The following HTR3B variants were observed in gnomAD, a reference collection of about 807,000 sequenced individuals.
The protein encoded by HTR3B is 5-hydroxytryptamine receptor 3B, also known as 5-hydroxytryptamine (serotonin) receptor 3B, ionotropic.
A neutral mutation model predicts 42.8 loss-of-function variants in HTR3B; 44 were observed. The observed-to-expected ratio is 1.03, with a 90% CI of 0.81 to 1.32. HTR3B has a LOEUF of 1.32. Among genes scored for constraint, HTR3B ranks in the 40% most tolerant of loss-of-function variants. The pLI, the probability that HTR3B is intolerant of heterozygous loss-of-function variation, is 0.00. For synonymous variants in HTR3B, 203 were observed against 209.0 expected (o/e 0.97, Z 0.25); for missense variants, 527 against 536.5 (o/e 0.98, Z 0.17).
chr11:113,913,228 G>A (rs1949814344), intron 2 of HTR3B, among the ~76,000 whole-genome samples: 1 of 151,114 alleles, frequency 6.6e-6, no homozygotes, highest in African/African-American at 2.4e-5. Flanking sequence ...AAGTCTCAAA[G>A]GCTGGAGTGC....
At chr11:113,945,174 GC>G (rs1950167059) in intron 8 of HTR3B, among the ~76,000 whole-genome samples, 2 of 152,078 alleles carry the variant, frequency 1.3e-5, no homozygotes, top group Admixed American at 1.3e-4. Flanking sequence ...TCGCTCTGTC[GC>G]CCAGGCTTGA....
chr11:113,928,619 C>A (rs777937767), intron 2 of HTR3B, among the ~76,000 whole-genome samples: 30 of 152,140 alleles, frequency 2.0e-4, no homozygotes, highest in Non-Finnish European at 2.8e-4. Context: ...CTCACTGCAA[C>A]CTCCACCCCT....
chr11:113,906,538 A>C (rs1262787686), intron 1 of HTR3B, among the ~76,000 whole-genome samples: 1 of 152,238 alleles, frequency 6.6e-6, no homozygotes, highest in African/African-American at 2.4e-5. Context: ...ACACATGCAG[A>C]AAATACCACT....
chr11:113,917,465 T>C lies in HTR3B; in HGVS notation c.213+8010T>C, dbSNP rs1172932466. On this transcript the variant is annotated intron_variant, in intron 2 of 8. Coordinates refer to ENST00000260191, the MANE Select transcript of HTR3B (RefSeq NM_006028.5). ...TCTATTTTTTTTCTTCCAGTTGTTT[T>C]ATTAACTTGATGGAGTGGAATGTTA... Among the ~76,000 whole-genome samples, 3 of 152,180 alleles carry C rather than the reference T, an allele frequency of 2.0e-5. No individual in the cohort carries two copies. The East Asian group carries it at 5.8e-4, about 29-fold the overall frequency.
At chr11:113,918,468 G>C (rs1020620563) in intron 2 of HTR3B, among the ~76,000 whole-genome samples, 2 of 151,740 alleles carry the variant, frequency 1.3e-5, no homozygotes, top group Non-Finnish European at 2.9e-5. Context: ...TCCATCTTTA[G>C]GCTATTTCAA....
At chr11:113,925,421 T>G (rs950663623) in intron 2 of HTR3B, among the ~76,000 whole-genome samples, 4 of 120,984 alleles carry the variant, frequency 3.3e-5, no homozygotes, top group East Asian at 3.9e-4. Context: ...GAATTTGTTT[T>G]TTTTTTTTTT....
intron 6 of HTR3B, among the ~76,000 whole-genome samples, chr11:113,935,489 A>G (rs1036839975): frequency 2.3e-5 from 3 of 128,670 alleles, no homozygotes; most frequent in Admixed American, 1.6e-4. Context: ...GGCCAGACTC[A>G]GGAGCAATTC....
chr11:113,932,816 A>G (rs1374106259), intron 5 of HTR3B, 120 bp from the exon 6 acceptor site: 19 of 971,452 alleles, frequency 2.0e-5, no homozygotes, highest in Non-Finnish European at 3.0e-5. Flanking sequence ...AATAAGGCCA[A>G]GGAGACTGTG....
chr11:113,906,872 T>G (rs556283721), intron 1 of HTR3B, among the ~76,000 whole-genome samples: 1 of 152,318 alleles, frequency 6.6e-6, no homozygotes, highest in South Asian at 2.1e-4. Context: ...ATGTGAGGAC[T>G]TAGCCTGGTG....
At chr11:113,918,424 T>C (rs1224937894) in intron 2 of HTR3B, among the ~76,000 whole-genome samples, 1 of 152,108 alleles carries the variant, frequency 6.6e-6, no homozygotes, top group Non-Finnish European at 1.5e-5. Flanking sequence ...TTCTCTCTGC[T>C]GACTCCTAAC....
chr11:113,923,324 C>T (rs2137508049), intron 2 of HTR3B, among the ~76,000 whole-genome samples: 1 of 152,300 alleles, frequency 6.6e-6, no homozygotes, highest in South Asian at 2.1e-4. Flanking sequence ...TAATGTTTTG[C>T]CTCCTGTTTT....
chr11:113,932,939 A>G lies in HTR3B; in HGVS notation c.542A>G (p.Glu181Gly). 1 of 1,613,506 alleles carries G rather than the reference A, an allele frequency of 6.2e-7. No homozygotes were observed. Among genetic ancestry groups the G allele is most frequent in the Non-Finnish European group, 8.5e-7 (1 of 1,179,812 alleles). Reference protein sequence around the residue: ...LTFKSILHTVEDVDLAFLRSP... With the variant: ...LTFKSILHTVGDVDLAFLRSP... ...CAATTGTTTGTGTTGTTTGCAGTGG[A>G]AGACGTAGACCTGGCCTTTCTGAGG... Residue 181 changes from glutamate (E) to glycine (G), a missense_variant, in exon 6 of 9, where the codon GAA (glutamate) becomes GGA (glycine). Coordinates refer to ENST00000260191, the MANE Select transcript of HTR3B (RefSeq NM_006028.5).
intron 2 of HTR3B, among the ~76,000 whole-genome samples, chr11:113,918,662 A>ATT (rs35902629): frequency 5.9e-4 from 77 of 130,034 alleles, no homozygotes; most frequent in Non-Finnish European, 9.5e-4. Context: ...CAATCTATGC[A>ATT]TTTTTTTTTT....
At chr11:113,927,487 T>G (rs755114177) in intron 2 of HTR3B, among the ~76,000 whole-genome samples, 2 of 152,154 alleles carry the variant, frequency 1.3e-5, no homozygotes, top group Non-Finnish European at 2.9e-5. Flanking sequence ...TCGCTGCTAA[T>G]TTTTACTTTT....
chr11:113,912,465 G>T (rs985737437), intron 2 of HTR3B, among the ~76,000 whole-genome samples: 3 of 152,040 alleles, frequency 2.0e-5, no homozygotes, highest in Admixed American at 6.6e-5. Flanking sequence ...GGATGGTCTC[G>T]ATCTCCTGAC....
At position 113,931,842 on chromosome 11, in the gene HTR3B, G is replaced by A. The variant is rs1044730475; in HGVS notation, c.343G>A (p.Ala115Thr). The A allele has an allele frequency of 1.3e-6, 2 of 1,597,750 alleles. No homozygotes were observed. Among genetic ancestry groups the A allele is most frequent in the Non-Finnish European group, 8.6e-7 (1 of 1,165,222 alleles). Residue 115 changes from alanine (A) to threonine (T), a missense_variant, in exon 4 of 9, where the codon GCC becomes ACC. Physicochemically the swap from Ala to Thr is moderately conservative, Grantham distance 58. Transcript: ENST00000260191. ...EISLPLSAIW[A>T]PDIIINEFVD... The stretch of plus-strand genomic sequence containing the variant: ...CTCCCTACCTCTAAGTGCCATCTGG[G>A]CCCCCGATATCATCATCAATGAGTT...
chr11:113,944,832 G>A, intron 8 of HTR3B, 77 bp downstream of exon 8: 1 of 1,413,916 alleles, frequency 7.1e-7, no homozygotes, highest in Non-Finnish European at 9.8e-7. Context: ...TGATGTACTA[G>A]GTATTGCGTT....
intron 2 of HTR3B, among the ~76,000 whole-genome samples, chr11:113,913,742 T>C (rs1008037378): frequency 2.0e-5 from 3 of 152,150 alleles, no homozygotes; most frequent in Admixed American, 6.6e-5. Flanking sequence ...CTCAAACTCC[T>C]GACCTCAGGT....
intron 2 of HTR3B, among the ~76,000 whole-genome samples, chr11:113,926,727 C>T (rs944936647): frequency 1.3e-5 from 2 of 152,046 alleles, no homozygotes; most frequent in African/African-American, 2.4e-5. Flanking sequence ...AAGGGTTTCA[C>T]CATGTTGGCC....
Sources: allele counts gnomAD v4.1 joint callset (sites outside exome capture counted in the v4.1 genomes callset), GRCh38; gene constraint gnomAD v4.1.1; transcripts MANE v1.5; gene names NCBI Gene and HGNC (gene_info 2026-07-23, HGNC 2026-07-21).